The following HMGXB3 variants were observed in gnomAD, a reference collection of about 807,000 sequenced individuals.
HMGXB3 encodes the protein HMG-box containing 3.
In HMGXB3, 45 loss-of-function variants were observed where a neutral mutation model predicts 121.5. The ratio of observed to expected loss-of-function variants is 0.37; its 90% confidence interval spans 0.29 to 0.47. The LOEUF is 0.47. Among genes scored for constraint, HMGXB3 ranks in the 20% least tolerant of loss-of-function variants. The pLI is 0.99. For synonymous variants in HMGXB3, 590 were observed against 624.1 expected, an observed-to-expected ratio of 0.95 and a Z score of 0.81; for missense variants, 1,376 against 1,602.2, an observed-to-expected ratio of 0.86 and a Z score of 2.41.
At chr5:150,026,681 A>G in intron 7 of HMGXB3, 25 bp from the exon 8 acceptor site, 2 of 1,537,328 alleles carry the variant, frequency 1.3e-6, no homozygotes, top group Non-Finnish European at 1.8e-6. Context: ...CAGAATTTCC[A>G]GATTTCTCTT....
chr5:150,046,106 A>T (rs532888576), intron 16 of HMGXB3, among the ~76,000 whole-genome samples: 85 of 152,306 alleles, frequency 5.6e-4, no homozygotes, highest in African/African-American at 1.8e-3. Flanking sequence ...ACTAGCGGGT[A>T]AGAGGATAGG....
chr5:150,012,309 C>T lies in HMGXB3; in HGVS notation c.865C>T (p.Leu289=), dbSNP rs1189421249. The T allele has an allele frequency of 1.9e-6, 3 of 1,552,260 alleles. No homozygotes were observed. In the Admixed American group the frequency reaches 5.9e-5, roughly 30 times the overall value. The part of the protein sequence containing the change: ...APATQFIMLP[L]PAYSVVENPT... The stretch of plus-strand genomic sequence containing the variant: ...AGCCACACAGTTCATCATGTTGCCT[C>T]TGCCTGCCTACTCGGTTGTGGAGAA... The change falls in exon 5 of 20, where the codon CTG becomes TTG. Residue 289 remains leucine (L), a synonymous_variant. Transcript: ENST00000502717.
chr5:150,001,954 G>T (rs555013074), intron 1 of HMGXB3, among the ~76,000 whole-genome samples: 101 of 152,296 alleles, frequency 6.6e-4, no homozygotes, highest in African/African-American at 2.3e-3. Context: ...TCCCCACGTA[G>T]CCTTGATTTG....
rs1479368222 is a variant in HMGXB3, at chr5:150,042,088, A to C, written c.2730+119A>C. 8 of 717,704 alleles carry C rather than the reference A, an allele frequency of 1.1e-5. No individual in the cohort carries two copies. In the African/African-American group the frequency reaches 1.4e-4, roughly 13 times the overall value. The allele number at this position is 717,704 out of a possible 1,614,324, so 44.5% of individuals were successfully genotyped here. On this transcript the variant is annotated intron_variant, in intron 15 of 19. Transcript: ENST00000502717. Reference sequence around the variant, plus strand: ...CAGTCCTGTCTAGGTGAGGCAAGTGAGTTTTTCCTCCCACAGCCCAAGATT... The same window carrying C: ...CAGTCCTGTCTAGGTGAGGCAAGTGCGTTTTTCCTCCCACAGCCCAAGATT...
chr5:150,043,405 A>T (rs1756683274), intron 15 of HMGXB3, among the ~76,000 whole-genome samples: 1 of 152,232 alleles, frequency 6.6e-6, no homozygotes, highest in South Asian at 2.1e-4. Context: ...AGAGCCTGGG[A>T]CATGAGCTGA....
intron 7 of HMGXB3, among the ~76,000 whole-genome samples, chr5:150,025,997 A>AT (rs1393767374): frequency 6.6e-6 from 1 of 151,520 alleles, no homozygotes; most frequent in African/African-American, 2.4e-5. Context: ...CGCCTGGCTA[A>AT]TTTTTTGTAT....
chr5:150,015,323 C>G (rs1456974285), intron 5 of HMGXB3, among the ~76,000 whole-genome samples: 2 of 152,158 alleles, frequency 1.3e-5, no homozygotes, highest in African/African-American at 4.8e-5. Context: ...AGGTTTCACT[C>G]TGTTGCCCAT....
At chr5:150,008,055 T>TCACACACA (rs70973560) in intron 3 of HMGXB3, among the ~76,000 whole-genome samples, 216 of 130,100 alleles carry the variant, frequency 1.7e-3, no homozygotes, top group African/African-American at 6.0e-3. Context: ...AGACTCTGTT[T>TCACACACA]CACACACACA....
At chr5:150,024,907 C>T (rs1377792775) in intron 7 of HMGXB3, among the ~76,000 whole-genome samples, 4 of 152,222 alleles carry the variant, frequency 2.6e-5, no homozygotes, top group Non-Finnish European at 5.9e-5. Context: ...TTGTCAGTCT[C>T]CCTAAAGCAT....
intron 5 of HMGXB3, among the ~76,000 whole-genome samples, chr5:150,012,866 A>G (rs1373181918): frequency 6.6e-6 from 1 of 152,168 alleles, no homozygotes; most frequent in Non-Finnish European, 1.5e-5. Context: ...TATAAATGGC[A>G]TTTTTAGAAA....
chr5:150,038,442 T>A (rs1338442525), intron 13 of HMGXB3, among the ~76,000 whole-genome samples: 1 of 152,236 alleles, frequency 6.6e-6, no homozygotes, highest in African/African-American at 2.4e-5. Flanking sequence ...TATATATTTA[T>A]TTAGTCAACA....
At chr5:150,020,537 T>C (rs1383903602) in intron 6 of HMGXB3, among the ~76,000 whole-genome samples, 1 of 152,212 alleles carries the variant, frequency 6.6e-6, no homozygotes, top group Non-Finnish European at 1.5e-5. Flanking sequence ...TCATTTCTTG[T>C]ATGTGTGGCT....
chr5:150,044,998 G>A (rs1223242143), intron 15 of HMGXB3, among the ~76,000 whole-genome samples: 1 of 152,182 alleles, frequency 6.6e-6, no homozygotes, highest in Admixed American at 6.5e-5. Context: ...ATAGGATTCT[G>A]CTCGTTCTTG....
At chr5:150,013,257 C>T (rs1755884431) in intron 5 of HMGXB3, among the ~76,000 whole-genome samples, 1 of 152,178 alleles carries the variant, frequency 6.6e-6, no homozygotes, top group Non-Finnish European at 1.5e-5. Flanking sequence ...GTAGTTCCCT[C>T]TATTCCTAAT....
In HMGXB3 at chr5:150,050,261, G is replaced by A. The variant is rs1252334465; in HGVS notation, c.3211G>A (p.Gly1071Ser). ...ACCCTTCATCTCCCAGGTGGTCTGC[G>A]GCTCCAAGTATCTTGTGCGAGGTGA... Reference protein sequence around the residue: ...YKVCPHQVVCGSKYLVRGESA... With the variant: ...YKVCPHQVVCSSKYLVRGESA... The change falls in exon 19 of 20, where the codon GGC becomes AGC. Residue 1071 changes from glycine to serine, a missense_variant. Gly to Ser is a moderately conservative substitution (Grantham distance 56). Around this residue, in one of 2 missense-constraint regions of HMGXB3, gnomAD observed 1,116 missense variants for 1,369.0 expected, o/e 0.82. Transcript: ENST00000502717. 2.6e-6 allele frequency: 4 copies of A among 1,551,718 alleles called. No homozygotes were observed. The highest frequency in any genetic ancestry group is 1.4e-5 in the African/African-American group (1 of 73,036).
rs1297532800 is a variant in HMGXB3 at position 150,029,715 on chromosome 5, G to A, written c.1735-1026G>A. On this transcript the variant is annotated intron_variant, in intron 9 of 19. Coordinates refer to ENST00000502717, the MANE Select transcript of HMGXB3 (RefSeq NM_014983.3). Reference sequence around the variant, plus strand: ...ATGGACCAGGTTGGAATAGGAAAACGGGTCTGCCATCTCCCCTGTCATGTG... The same window carrying A: ...ATGGACCAGGTTGGAATAGGAAAACAGGTCTGCCATCTCCCCTGTCATGTG... 2.6e-5 allele frequency among the ~76,000 whole-genome samples: 4 copies of A among 152,138 alleles called. No individual in the cohort carries two copies. The East Asian group carries it at 5.8e-4, about 22-fold the overall frequency.
rs1239130429 is a variant in HMGXB3 at position 150,010,121 on chromosome 5, T to C, written c.323T>C (p.Leu108Pro). 1.3e-6 allele frequency: 2 copies of C among 1,551,170 alleles called. No individual in the cohort carries two copies. Among genetic ancestry groups the C allele is most frequent in the Admixed American group, 3.9e-5 (2 of 50,976 alleles). The change falls in exon 4 of 20, where the codon CTC becomes CCC. Residue 108 changes from leucine to proline, a missense_variant. Leu to Pro is a moderately conservative substitution (Grantham distance 98). Coordinates refer to ENST00000502717, the MANE Select transcript of HMGXB3 (RefSeq NM_014983.3). The part of the protein sequence containing the change: ...EKEGLDPNSK[L>P]SALTAVVPDI... ...CTTCCTCATCCTCAGAACTCTAAGCTCTCTGCACTGACTGCTGTGGTTCCG... is the reference window on the plus strand; with the variant it reads ...CTTCCTCATCCTCAGAACTCTAAGCCCTCTGCACTGACTGCTGTGGTTCCG...
At chr5:150,030,221 C>G (rs142267005) in intron 9 of HMGXB3, 1 of 152,148 alleles carries the variant, frequency 6.6e-6, no homozygotes, top group East Asian at 1.9e-4. Context: ...TGCCTGTAAT[C>G]CCAGCACTTT....
At chr5:150,027,830 G>A (rs1393987370) in intron 9 of HMGXB3, among the ~76,000 whole-genome samples, 2 of 152,180 alleles carry the variant, frequency 1.3e-5, no homozygotes, top group East Asian at 3.9e-4. Context: ...TGGGATTACA[G>A]GGGTGAGCCA....
Sources: allele counts gnomAD v4.1 joint callset (sites outside exome capture counted in the v4.1 genomes callset), GRCh38; gene constraint gnomAD v4.1.1; regional missense constraint gnomAD v4.1.1; transcripts MANE v1.5; gene names NCBI Gene and HGNC (gene_info 2026-07-23, HGNC 2026-07-21).